Variants in ACSM2B observed in about 807,000 individuals in gnomAD.
The protein encoded by ACSM2B is acyl-coenzyme A synthetase ACSM2B, mitochondrial.
In ACSM2B, 58 loss-of-function variants were observed where a neutral mutation model predicts 78.6. The ratio of observed to expected loss-of-function variants is 0.74; its 90% CI spans 0.60 to 0.92. The LOEUF (loss-of-function observed/expected upper bound fraction) is 0.92, where lower values mean the gene tolerates loss of function less well. Among genes scored for constraint, ACSM2B ranks in the 40% least tolerant of loss-of-function variants. ACSM2B has a pLI of 0.00. For missense variants in ACSM2B, 688 were observed against 711.2 expected (o/e 0.97, Z 0.37); for synonymous variants, 257 against 256.8 (o/e 1.00, Z -0.01).
Position 20,552,294 on chromosome 16 carries a change from C to G in ACSM2B, c.744G>C (p.Trp248Cys), listed in dbSNP as rs1172535570. The G allele has an allele frequency of 1.9e-6, 3 of 1,607,782 alleles. No homozygotes were observed. The highest frequency in any genetic ancestry group is 2.2e-5 in the East Asian group (1 of 44,850). ...LGLKAKMDAG[W>C]TGLQASDIMW... ...TTATATCAGAGGCTTGCAGGCCTGT[C>G]CAACTGAAAACACAGACAAAACACA... The change falls in exon 6 of 14, where the codon TGG becomes TGC. Residue 248 changes from tryptophan (W) to cysteine (C), a missense_variant. Trp to Cys is a radical substitution (Grantham distance 215). Coordinates refer to ENST00000329697, the MANE Select transcript of ACSM2B (RefSeq NM_001105069.2).
chr16:20,558,829 G>A lies in ACSM2B; in HGVS notation c.388+408C>T, dbSNP rs1184736284. Among the ~76,000 whole-genome samples, 3 of 152,182 alleles carry A rather than the reference G, an allele frequency of 2.0e-5. No homozygotes were observed. The South Asian group carries it at 6.2e-4, about 32-fold the overall frequency. On this transcript the variant is annotated intron_variant, in intron 3 of 13. Transcript: ENST00000329697. ...TATAATATGGAAACAAGTGGGCATA[G>A]CTGTGTTATAATAAAACTTTATTTA...
Position 20,545,144 on chromosome 16 carries a change from C to T in ACSM2B, c.1281+13G>A. The stretch of plus-strand genomic sequence containing the variant: ...TCACTGGGGAACAGAGGAGGAGAAG[C>T]ACAGTTTCTCACCACATAGCCAGAG... On this transcript the variant is annotated intron_variant, in intron 10 of 13. Coordinates refer to ENST00000329697, the MANE Select transcript of ACSM2B (RefSeq NM_001105069.2). 1 of 1,608,272 alleles carries T rather than the reference C, an allele frequency of 6.2e-7. No individual in the cohort carries two copies. The highest frequency in any genetic ancestry group is 8.5e-7 in the Non-Finnish European group (1 of 1,175,978).
intron 13 of ACSM2B, among the ~76,000 whole-genome samples, chr16:20,538,770 T>A (rs139701058): frequency 6.6e-6 from 1 of 152,270 alleles, no homozygotes; most frequent in Non-Finnish European, 1.5e-5. Flanking sequence ...ATAAGGAAAC[T>A]GAGGAACGCA....
chr16:20,566,733 AGTATATACT>A lies in ACSM2B; in HGVS notation c.-8-1889_-8-1881del, dbSNP rs1362733404. Among the ~76,000 whole-genome samples, 8 of 15,188 alleles carry A rather than the reference AGTATATACT, an allele frequency of 5.3e-4. 1 individual carries two copies. Among genetic ancestry groups the A allele is most frequent in the African/African-American group, 2.0e-3 (5 of 2,514 alleles). The allele number at this position is 15,188 out of a possible 152,430, so 10.0% of individuals were successfully genotyped here. On this transcript the variant is annotated intron_variant, in intron 1 of 13. Coordinates refer to ENST00000329697, the MANE Select transcript of ACSM2B (RefSeq NM_001105069.2). ...AGTATATATAGTATATACTATATAT[AGTATATACT>A]ATATATACTATATATAGTATATATA...
chr16:20,564,589 C>T (rs1219343857), intron 2 of ACSM2B, 80 bp downstream of exon 2: 1 of 1,493,980 alleles, frequency 6.7e-7, no homozygotes, highest in Admixed American at 2.4e-5. Context: ...AAGTACTTAA[C>T]AAATATTTAC....
chr16:20,540,930 G>T, intron 12 of ACSM2B, 157 bp from the exon 13 acceptor site: 1 of 1,184,274 alleles, frequency 8.4e-7, no homozygotes, highest in Non-Finnish European at 1.1e-6. Flanking sequence ...CTGGGGACAA[G>T]AATGAGGTTC....
At position 20,554,175 on chromosome 16, in the gene ACSM2B, T is replaced by G. The variant is rs554714729; in HGVS notation, c.597-255A>C. 41 of 640,170 alleles carry G rather than the reference T, an allele frequency of 6.4e-5. 1 individual carries two copies. Among genetic ancestry groups the G allele is most frequent in the South Asian group, 6.0e-4 (39 of 64,766 alleles). 39.7% of individuals were successfully genotyped at this position (640,170 alleles called of 1,614,324 possible). A position where few individuals can be genotyped will look rare whatever the true frequency, so the allele number is the denominator to read the frequency against. ...TTTAACTTCTCTGTGTCTCACTTTA[T>G]ATCTGCAAAAAAGTGAGATCAAGTC... On this transcript the variant is annotated intron_variant, in intron 4 of 13. Transcript: ENST00000329697.
At chr16:20,540,015 G>A (rs568363488) in intron 13 of ACSM2B, among the ~76,000 whole-genome samples, 36 of 152,286 alleles carry the variant, frequency 2.4e-4, no homozygotes, top group Admixed American at 1.5e-3. Flanking sequence ...ACTTGCAACT[G>A]AGCGTTGCAC....
chr16:20,563,375 A>C (rs1354768246), intron 2 of ACSM2B, among the ~76,000 whole-genome samples: 2 of 151,998 alleles, frequency 1.3e-5, no homozygotes, highest in African/African-American at 4.8e-5. Context: ...AGCTCACTTT[A>C]TATTATTAAC....
intron 1 of ACSM2B, among the ~76,000 whole-genome samples, chr16:20,567,513 A>T (rs1342967837): frequency 9.3e-5 from 12 of 129,620 alleles, no homozygotes; most frequent in Non-Finnish European, 1.4e-4. Context: ...ATATATAAAT[A>T]ATATATAAAT....
At chr16:20,566,697 AG>A (rs1567218380) in intron 1 of ACSM2B, among the ~76,000 whole-genome samples, 63 of 4,470 alleles carry the variant, frequency 0.014, 5 homozygotes, top group African/African-American at 0.038. Context: ...TACTATATAT[AG>A]TATATATATA....
At chr16:20,560,129 C>A (rs12597478) in intron 2 of ACSM2B, among the ~76,000 whole-genome samples, 16,257 of 150,938 alleles carry the variant, frequency 0.11, 1,537 homozygotes, top group East Asian at 0.49. Context: ...TTTTCATCAT[C>A]CAAAACGAAA....
At chr16:20,545,343 T>C (rs753363849) in intron 9 of ACSM2B, 85 bp from the exon 10 acceptor site, 4 of 1,492,596 alleles carry the variant, frequency 2.7e-6, no homozygotes, top group Non-Finnish European at 2.7e-6. Context: ...GTTGGTCAAA[T>C]GAAAGACTCT....
At chr16:20,560,520 C>G (rs116115292) in intron 2 of ACSM2B, among the ~76,000 whole-genome samples, 1 of 152,064 alleles carries the variant, frequency 6.6e-6, no homozygotes, top group Non-Finnish European at 1.5e-5. Context: ...AGGCCCCCAT[C>G]AGAAGCAGAT....
chr16:20,557,570 T>C (rs544562000), intron 3 of ACSM2B, among the ~76,000 whole-genome samples: 1 of 152,340 alleles, frequency 6.6e-6, no homozygotes, highest in Non-Finnish European at 1.5e-5. Flanking sequence ...AAACAGAGGA[T>C]GATCATGTAA....
chr16:20,573,562 C>T lies in ACSM2B; in HGVS notation c.-9+2645G>A, dbSNP rs959049044. Among the ~76,000 whole-genome samples the T allele has an allele frequency of 1.3e-4, 19 of 141,750 alleles. 1 individual carries two copies. Among genetic ancestry groups the T allele is most frequent in the African/African-American group, 5.0e-4 (18 of 35,938 alleles). The allele number at this position is 141,750 out of a possible 152,430, so 93.0% of individuals were successfully genotyped here. On this transcript the variant is annotated intron_variant, in intron 1 of 13. Transcript: ENST00000329697. ...TCACCAGTGTCCTCCCATACCTCCCCATTCCAAGTTGCAGGGTCTCATTCT... is the reference window on the plus strand; with the variant it reads ...TCACCAGTGTCCTCCCATACCTCCCTATTCCAAGTTGCAGGGTCTCATTCT...
At chr16:20,552,442 T>A (rs2015344096) in intron 5 of ACSM2B, 145 bp from the exon 6 acceptor site, 1 of 1,246,150 alleles carries the variant, frequency 8.0e-7, no homozygotes. Context: ...TATGTTTAAG[T>A]ATAAGTAGGA....
At chr16:20,567,493 A>AATATATAAAAC (rs2015948647) in intron 1 of ACSM2B, among the ~76,000 whole-genome samples, 1 of 117,950 alleles carries the variant, frequency 8.5e-6, no homozygotes, top group South Asian at 2.3e-4. Context: ...ATATATAAAT[A>AATATATAAAAC]ATATATAAAA....
Position 20,546,991 on chromosome 16 carries a change from C to T in ACSM2B, c.1099-517G>A, listed in dbSNP as rs186438874. On this transcript the variant is annotated intron_variant, in intron 8 of 13. Coordinates refer to ENST00000329697, the MANE Select transcript of ACSM2B (RefSeq NM_001105069.2). The stretch of plus-strand genomic sequence containing the variant: ...ATACTTTTTAAAGTATCTCCCATGG[C>T]AGCACCAGTTCTGCTTGAACCCTGA... The T allele has an allele frequency of 1.1e-3, 501 of 455,890 alleles. 2 individuals are homozygous for T. The highest frequency in any genetic ancestry group is 9.9e-3 in the African/African-American group (473 of 47,868). The allele number at this position is 455,890 out of a possible 1,614,324, so 28.2% of individuals were successfully genotyped here.
Sources: allele counts gnomAD v4.1 joint callset (sites outside exome capture counted in the v4.1 genomes callset), GRCh38; gene constraint gnomAD v4.1.1; transcripts MANE v1.5; gene names NCBI Gene and HGNC (gene_info 2026-07-23, HGNC 2026-07-21).